The following CAMKMT variants were observed in gnomAD, a reference collection of about 807,000 sequenced individuals.
The protein encoded by CAMKMT is CaM KMT.
Under a neutral mutation model 48.0 loss-of-function variants are expected in CAMKMT, and 53 were observed. That is an observed-to-expected ratio of 1.10 (90% CI 0.89 to 1.39). CAMKMT has a LOEUF of 1.39. Among genes scored for constraint, CAMKMT ranks in the 40% most tolerant of loss-of-function variants. CAMKMT has a pLI of 0.00. For missense variants in CAMKMT, 428 were observed against 402.7 expected (o/e 1.06, Z -0.54); for synonymous variants, 165 against 152.3 (o/e 1.08, Z -0.61).
intron 3 of CAMKMT, among the ~76,000 whole-genome samples, chr2:44,435,828 G>A (rs1666206412): frequency 6.6e-6 from 1 of 152,168 alleles, no homozygotes; most frequent in East Asian, 1.9e-4. Flanking sequence ...TTAGTTCATA[G>A]TTTACCAAGT....
chr2:44,772,035 G>C lies in CAMKMT; in HGVS notation c.895-1G>C. The C allele has an allele frequency of 6.2e-7, 1 of 1,609,526 alleles. No individual in the cohort carries two copies. The highest frequency in any genetic ancestry group is 8.5e-7 in the Non-Finnish European group (1 of 1,176,982). On this transcript the variant is annotated splice_acceptor_variant, in intron 10 of 10. Transcript: ENST00000378494. LOFTEE classifies it high-confidence loss of function. ...CTTTTTCTTTCTATTATTGTTTTCAGTTGAAAAAGGAAAACCCGGACATAT... is the reference window on the plus strand; with the variant it reads ...CTTTTTCTTTCTATTATTGTTTTCACTTGAAAAAGGAAAACCCGGACATAT...
At chr2:44,380,696 A>T (rs1004207187) in intron 2 of CAMKMT, among the ~76,000 whole-genome samples, 2 of 152,248 alleles carry the variant, frequency 1.3e-5, no homozygotes, top group South Asian at 4.1e-4. Context: ...AGTGATTATT[A>T]ACATTATTCT....
At chr2:44,592,270 T>C (rs1558728656) in intron 3 of CAMKMT, among the ~76,000 whole-genome samples, 1 of 145,686 alleles carries the variant, frequency 6.9e-6, no homozygotes, top group Non-Finnish European at 1.5e-5. Context: ...GGTACTGCAA[T>C]ATTCAGGTTA....
chr2:44,554,843 C>T (rs894020691), intron 3 of CAMKMT, among the ~76,000 whole-genome samples: 14 of 152,144 alleles, frequency 9.2e-5, no homozygotes, highest in Admixed American at 3.3e-4. Context: ...ACCCTGCACT[C>T]CGGCCCGAGT....
intron 10 of CAMKMT, among the ~76,000 whole-genome samples, chr2:44,767,450 G>C (rs908266572): frequency 6.6e-6 from 1 of 152,188 alleles, no homozygotes; most frequent in Non-Finnish European, 1.5e-5. Context: ...GTAATATAAT[G>C]TAGAAGTGTG....
At chr2:44,623,466 G>A (rs1572939993) in intron 3 of CAMKMT, among the ~76,000 whole-genome samples, 1 of 152,190 alleles carries the variant, frequency 6.6e-6, no homozygotes, top group African/African-American at 2.4e-5. Context: ...GAGGTCTTCT[G>A]TTTAAGTCTT....
chr2:44,470,995 T>TC (rs200332731), intron 3 of CAMKMT, among the ~76,000 whole-genome samples: 193 of 3,566 alleles, frequency 0.054, no homozygotes, highest in East Asian at 0.23. Context: ...TCTCTCTCTC[T>TC]TTTTTTTTTT....
At chr2:44,400,191 T>C (rs1682234533) in intron 3 of CAMKMT, among the ~76,000 whole-genome samples, 1 of 152,160 alleles carries the variant, frequency 6.6e-6, no homozygotes, top group Non-Finnish European at 1.5e-5. Context: ...AGTTTCAATT[T>C]TAGAGGACAT....
At chr2:44,708,448 A>G (rs968044578) in intron 6 of CAMKMT, among the ~76,000 whole-genome samples, 1 of 151,914 alleles carries the variant, frequency 6.6e-6, no homozygotes, top group Non-Finnish European at 1.5e-5. Flanking sequence ...GAAGCACAGT[A>G]GCTAATATTG....
chr2:44,365,799 A>G (rs951055458), intron 1 of CAMKMT, among the ~76,000 whole-genome samples: 2 of 152,376 alleles, frequency 1.3e-5, no homozygotes, highest in South Asian at 2.1e-4. Flanking sequence ...AATGACTGTT[A>G]CACACGTATT....
intron 7 of CAMKMT, among the ~76,000 whole-genome samples, chr2:44,726,633 C>T (rs910765092): frequency 3.3e-5 from 5 of 152,102 alleles, no homozygotes; most frequent in East Asian, 1.9e-4. Context: ...TCAGGTCACA[C>T]GTGTCTATTT....
intron 3 of CAMKMT, among the ~76,000 whole-genome samples, chr2:44,506,668 A>G (rs919104635): frequency 6.6e-6 from 1 of 152,210 alleles, no homozygotes; most frequent in Non-Finnish European, 1.5e-5. Context: ...GCTAATAATG[A>G]ATAACAACAT....
intron 3 of CAMKMT, among the ~76,000 whole-genome samples, chr2:44,546,154 G>GCCACACACACAC (rs140039567): frequency 7.7e-6 from 1 of 129,084 alleles, no homozygotes; most frequent in African/African-American, 3.1e-5. Context: ...AGACTGCTAG[G>GCCACACACACAC]ACACACACAC....
At chr2:44,378,574 A>C (rs1572682375) in intron 2 of CAMKMT, among the ~76,000 whole-genome samples, 1 of 152,034 alleles carries the variant, frequency 6.6e-6, no homozygotes, top group African/African-American at 2.4e-5. Flanking sequence ...GCTCACTGCA[A>C]CCTCCGCCTC....
intron 6 of CAMKMT, among the ~76,000 whole-genome samples, chr2:44,714,979 A>T (rs747938679): frequency 2.6e-5 from 4 of 152,106 alleles, no homozygotes; most frequent in Non-Finnish European, 5.9e-5. Flanking sequence ...GGATTACCTG[A>T]GGTCAGGAGT....
chr2:44,423,261 C>A (rs933089836), intron 3 of CAMKMT, among the ~76,000 whole-genome samples: 2 of 152,074 alleles, frequency 1.3e-5, no homozygotes, highest in Non-Finnish European at 2.9e-5. Context: ...CTCACTGCAA[C>A]CTCTACCTCC....
intron 3 of CAMKMT, among the ~76,000 whole-genome samples, chr2:44,440,825 TA>T (rs1239475876): frequency 1.3e-5 from 2 of 151,930 alleles, no homozygotes; most frequent in East Asian, 1.9e-4. Context: ...TTTTATCCCT[TA>T]TTTTTTTTAT....
intron 3 of CAMKMT, among the ~76,000 whole-genome samples, chr2:44,396,856 C>G (rs1302481589): frequency 6.6e-6 from 1 of 151,684 alleles, no homozygotes; most frequent in Admixed American, 6.6e-5. Flanking sequence ...GTCAGGAGAT[C>G]GAGACCATCC....
intron 3 of CAMKMT, among the ~76,000 whole-genome samples, chr2:44,693,607 A>C (rs1310724194): frequency 6.6e-6 from 1 of 152,214 alleles, no homozygotes; most frequent in Non-Finnish European, 1.5e-5. Flanking sequence ...AGGACCCGAA[A>C]CATTGTAGAT....
Sources: gnomAD v4.1 joint callset for allele counts (sites outside exome capture counted in the v4.1 genomes callset) on GRCh38, gnomAD v4.1.1 for gene constraint, MANE v1.5 for transcripts, NCBI Gene and HGNC (gene_info 2026-07-23, HGNC 2026-07-21) for gene names.